Variants in UBE2Q2 observed in about 807,000 individuals in gnomAD.
UBE2Q2 encodes ubiquitin-conjugating enzyme E2 Q2.
Under a neutral mutation model 59.9 loss-of-function variants are expected in UBE2Q2, and 54 were observed. The observed-to-expected ratio is 0.90, with a 90% CI of 0.72 to 1.13. The LOEUF (loss-of-function observed/expected upper bound fraction) is 1.13, where lower values mean the gene tolerates loss of function less well. UBE2Q2 is among the 50% of genes most tolerant of loss of function. The pLI is 0.00. For synonymous variants in UBE2Q2, 165 were observed against 155.2 expected, an observed-to-expected ratio of 1.06 and a Z score of -0.47; for missense variants, 433 against 441.9, an observed-to-expected ratio of 0.98 and a Z score of 0.18.
chr15:75,855,171 GTC>G (rs1197371584), intron 2 of UBE2Q2, among the ~76,000 whole-genome samples: 1 of 151,988 alleles, frequency 6.6e-6, no homozygotes, highest in Non-Finnish European at 1.5e-5. Flanking sequence ...TGAGGTCATG[GTC>G]TATATAGTTT....
chr15:75,870,514 C>T (rs760608028), intron 4 of UBE2Q2, among the ~76,000 whole-genome samples: 7 of 152,234 alleles, frequency 4.6e-5, no homozygotes, highest in Non-Finnish European at 8.8e-5. Flanking sequence ...GCCCAGTTTA[C>T]CATGAAGCAG....
At chr15:75,878,178 T>C in intron 7 of UBE2Q2, 157 bp downstream of exon 7, 5 of 584,418 alleles carry the variant, frequency 8.6e-6, no homozygotes, top group Middle Eastern at 3.0e-4. Context: ...TTAAATGAGC[T>C]GTTGCTGAGG....
chr15:75,882,517 A>G (rs1898488897), intron 8 of UBE2Q2, among the ~76,000 whole-genome samples: 1 of 152,200 alleles, frequency 6.6e-6, no homozygotes, highest in South Asian at 2.1e-4. Context: ...TCACATGTTT[A>G]AAGATCTAAA....
intron 12 of UBE2Q2, among the ~76,000 whole-genome samples, chr15:75,898,988 A>G (rs540733133): frequency 2.0e-5 from 3 of 151,750 alleles, no homozygotes; most frequent in Non-Finnish European, 2.9e-5. Flanking sequence ...GACTGGGTGC[A>G]GTGGCTCACA....
intron 3 of UBE2Q2, among the ~76,000 whole-genome samples, chr15:75,866,018 C>A (rs973335419): frequency 2.1e-4 from 32 of 152,184 alleles, no homozygotes; most frequent in African/African-American, 7.5e-4. Flanking sequence ...TGAGTCTATT[C>A]CCAGTTCTTT....
At chr15:75,844,105 T>C in intron 1 of UBE2Q2, 1 of 1,413,526 alleles carries the variant, frequency 7.1e-7, no homozygotes, top group Non-Finnish European at 9.2e-7. Context: ...TCGGTCCCCG[T>C]CTCCTAGCCC....
chr15:75,900,775 G>A lies in UBE2Q2; in HGVS notation c.*1317G>A, dbSNP rs1899711476. ...GATTTTCTGGTATTCTTGTTCACTTGATTACATTTGTATAAAGTTCTGATT... is the reference window on the plus strand; with the variant it reads ...GATTTTCTGGTATTCTTGTTCACTTAATTACATTTGTATAAAGTTCTGATT... On this transcript the variant is annotated 3_prime_UTR_variant, in exon 13 of 13. Transcript: ENST00000267938. The A allele has an allele frequency of 6.6e-6, 1 of 152,550 alleles. No homozygotes were observed. Among genetic ancestry groups the A allele is most frequent in the African/African-American group, 2.4e-5 (1 of 41,436 alleles). The allele number at this position is 152,550 out of a possible 1,614,324, so 9.4% of individuals were successfully genotyped here. A position where few individuals can be genotyped will look rare whatever the true frequency, so the allele number is the denominator to read the frequency against.
At chr15:75,850,593 T>A (rs1896585070) in intron 1 of UBE2Q2, among the ~76,000 whole-genome samples, 3 of 152,180 alleles carry the variant, frequency 2.0e-5, no homozygotes. Flanking sequence ...GGTCAGGTTT[T>A]GTGTCAAGAG....
At position 75,873,416 on chromosome 15, in the gene UBE2Q2, G is replaced by A. The variant is rs368980638; in HGVS notation, c.448-12G>A. 8.7e-5 allele frequency: 136 copies of A among 1,565,878 alleles called. No homozygotes were observed. The East Asian group carries it at 1.6e-3, about 18-fold the overall frequency. The stretch of plus-strand genomic sequence containing the variant: ...TAGGTTGAATAAGCTAACATTTTTC[G>A]TCTCTTTGTAGGATATAGAAGACTT... On this transcript the variant is annotated splice_polypyrimidine_tract_variant and intron_variant, in intron 4 of 12. Coordinates refer to ENST00000267938, the MANE Select transcript of UBE2Q2 (RefSeq NM_173469.4).
chr15:75,882,676 T>C (rs990881285), intron 8 of UBE2Q2, among the ~76,000 whole-genome samples: 1 of 152,152 alleles, frequency 6.6e-6, no homozygotes, highest in Non-Finnish European at 1.5e-5. Context: ...CTTGTGTCAT[T>C]AAGTTGGTAT....
intron 7 of UBE2Q2, 27 bp downstream of exon 7, chr15:75,878,048 C>A: frequency 1.2e-6 from 2 of 1,601,710 alleles, no homozygotes; most frequent in Non-Finnish European, 1.7e-6. Context: ...TGCTCACCCA[C>A]TCTTTGCAAT....
chr15:75,886,442 C>G (rs1898775567), intron 9 of UBE2Q2, among the ~76,000 whole-genome samples: 1 of 151,816 alleles, frequency 6.6e-6, no homozygotes, highest in African/African-American at 2.4e-5. Context: ...GTTTTATGTG[C>G]TTGTTTATAA....
chr15:75,890,497 C>T lies in UBE2Q2; in HGVS notation c.933+14C>T, dbSNP rs775764452. On this transcript the variant is annotated intron_variant, in intron 10 of 12. Transcript: ENST00000267938. ...CTCACAAAACAGGTGACTTTTCTTACGATACTCCATTTTCACCCACAATTT... is the reference window on the plus strand; with the variant it reads ...CTCACAAAACAGGTGACTTTTCTTATGATACTCCATTTTCACCCACAATTT... The T allele has an allele frequency of 2.1e-5, 34 of 1,606,236 alleles. No individual in the cohort carries two copies. In the African/African-American group the frequency reaches 3.1e-4, roughly 15 times the overall value.
intron 4 of UBE2Q2, among the ~76,000 whole-genome samples, chr15:75,871,485 G>GA (rs1897788429): frequency 6.6e-6 from 1 of 152,244 alleles, no homozygotes; most frequent in Non-Finnish European, 1.5e-5. Context: ...AGATACCTTA[G>GA]ACAATACCTG....
At chr15:75,861,194 A>G (rs1323866460) in intron 3 of UBE2Q2, among the ~76,000 whole-genome samples, 1 of 152,234 alleles carries the variant, frequency 6.6e-6, no homozygotes, top group African/African-American at 2.4e-5. Context: ...ATCCCCATCA[A>G]CGTTGACTTC....
intron 9 of UBE2Q2, among the ~76,000 whole-genome samples, chr15:75,889,946 A>G (rs1899000126): frequency 6.6e-6 from 1 of 152,198 alleles, no homozygotes; most frequent in Non-Finnish European, 1.5e-5. Context: ...CATGGTCAGA[A>G]CCATTTGATT....
At chr15:75,868,891 T>G in intron 3 of UBE2Q2, 60 bp from the exon 4 acceptor site, 1 of 1,478,382 alleles carries the variant, frequency 6.8e-7, no homozygotes, top group Admixed American at 1.7e-5. Context: ...AGTCTTCTAA[T>G]GTACTCAGCC....
At chr15:75,879,345 G>A (rs1019859584) in intron 8 of UBE2Q2, among the ~76,000 whole-genome samples, 157 bp downstream of exon 8, 1 of 152,130 alleles carries the variant, frequency 6.6e-6, no homozygotes. Flanking sequence ...GTACTTAGGC[G>A]TACCAGGAGA....
chr15:75,898,247 A>G (rs921145419), intron 12 of UBE2Q2, among the ~76,000 whole-genome samples: 5 of 152,170 alleles, frequency 3.3e-5, no homozygotes, highest in African/African-American at 1.2e-4. Context: ...TGGCATTCAA[A>G]AAATATTTAT....
Sources: allele counts gnomAD v4.1 joint callset (sites outside exome capture counted in the v4.1 genomes callset), GRCh38; gene constraint gnomAD v4.1.1; transcripts MANE v1.5; gene names NCBI Gene and HGNC (gene_info 2026-07-23, HGNC 2026-07-21).